Variants in CIITA observed in about 807,000 individuals in gnomAD.
The protein encoded by CIITA is MHC class II transactivator.
CIITA carries 72 observed loss-of-function variants against 115.1 expected under a neutral mutation model. The ratio of observed to expected loss-of-function variants is 0.63; its 90% CI spans 0.52 to 0.76. CIITA has a LOEUF of 0.76. Ranked by LOEUF, CIITA falls within the 30% of genes least tolerant of loss-of-function variation. CIITA has a pLI of 0.00. For missense variants in CIITA, 1,617 were observed against 1,463.8 expected (o/e 1.10, Z -1.71); for synonymous variants, 763 against 635.6 (o/e 1.20, Z -3.02).
intron 14 of CIITA, 93 bp downstream of exon 14, chr16:10,915,743 A>G (rs891980744): frequency 9.0e-7 from 1 of 1,115,870 alleles, no homozygotes; most frequent in Admixed American, 1.8e-5. Flanking sequence ...GGCCTCAAGT[A>G]GTCCTCCTGC....
downstream of CIITA, chr16:10,938,061 C>T (rs529778352): frequency 5.9e-5 from 9 of 152,362 alleles, no homozygotes; most frequent in African/African-American, 1.4e-4. This position sits in a 1 kb window ranked among gnomAD's most constrained non-coding sequence, Gnocchi z 4.9. Context: ...GGGTATAACA[C>T]GCTTTCCATT....
chr16:10,895,147 T>C (rs1222909416), intron 1 of CIITA, 135 bp from the exon 2 acceptor site: 4 of 973,010 alleles, frequency 4.1e-6, no homozygotes, highest in Non-Finnish European at 6.4e-6. Context: ...GCTGAGCATA[T>C]AAGAGGTGCT....
intron 16 of CIITA, among the ~76,000 whole-genome samples, chr16:10,919,494 C>G (rs958849431): frequency 8.3e-5 from 11 of 132,692 alleles, no homozygotes; most frequent in African/African-American, 2.8e-4. Context: ...AGCCACCATG[C>G]CCGGCCAACT....
intron 13 of CIITA, among the ~76,000 whole-genome samples, chr16:10,914,182 G>A (rs917923328): frequency 4.6e-5 from 7 of 152,102 alleles, no homozygotes; most frequent in Admixed American, 2.0e-4. Context: ...GTAGGCAAGC[G>A]GTCAATATTT....
chr16:10,941,690 A>C lies in CIITA; in HGVS notation n.816A>C. The C allele has an allele frequency of 6.3e-7, 1 of 1,583,240 alleles. No individual in the cohort carries two copies. Among genetic ancestry groups the C allele is most frequent in the Non-Finnish European group, 8.6e-7 (1 of 1,163,498 alleles). ...CCAGGGCATGGGTTGCGGATCGTGT[A>C]GGGAAGAGGGGAACAGCAGTCGAGA... On this transcript the variant is annotated non_coding_transcript_exon_variant, in exon 2 of 2. Transcript: ENST00000573379. The surrounding 1 kb of genome is among the most constrained non-coding windows in gnomAD (Gnocchi z 6.4).
At chr16:10,940,474 A>G (rs2041087274), downstream of CIITA, 1 of 152,192 alleles carries the variant, frequency 6.6e-6, no homozygotes, top group Non-Finnish European at 1.5e-5. The surrounding 1 kb of genome is among the most constrained non-coding windows in gnomAD (Gnocchi z 4.2). Context: ...CATTTTCCTA[A>G]AGGAGCCCTT....
intron 10 of CIITA, 146 bp downstream of exon 10, chr16:10,904,958 C>T (rs2039038516): frequency 8.3e-6 from 7 of 846,382 alleles, no homozygotes; most frequent in Non-Finnish European, 1.4e-5. Context: ...CATTCATTCA[C>T]TTATTTGATT....
intron 6 of CIITA, 22 bp from the exon 7 acceptor site, chr16:10,902,016 A>G: frequency 6.2e-7 from 1 of 1,613,674 alleles, no homozygotes; most frequent in South Asian, 1.1e-5. Context: ...CCCAGTCTCT[A>G]ACACAGCCCA....
In CIITA at chr16:10,922,147, C is replaced by A. The variant is rs1567449145; in HGVS notation, c.3150-20C>A. 6.2e-7 allele frequency: 1 copy of A among 1,612,198 alleles called. No individual in the cohort carries two copies. The highest frequency in any genetic ancestry group is 1.1e-5 in the South Asian group (1 of 91,050). ...ATGCACAGGCCTCCAATCCCTCCCC[C>A]TGGCCTCTGTTTCCGACAGCTTGTA... On this transcript the variant is annotated intron_variant, in intron 16 of 19. Transcript: ENST00000324288.
Position 10,906,822 on chromosome 16 carries a change from C to A in CIITA, c.1330C>A (p.Gln444Lys). ...SRAWACGRLP[Q>K]YDFVFSVPCH... Reference sequence around the variant, plus strand: ...GGCCTGGGCTTGTGGCCGGCTTCCCCAGTACGACTTTGTCTTCTCTGTCCC... The same window carrying A: ...GGCCTGGGCTTGTGGCCGGCTTCCCAAGTACGACTTTGTCTTCTCTGTCCC... Residue 444 changes from glutamine to lysine, a missense_variant, in exon 11 of 20, where the codon CAG becomes AAG. Transcript: ENST00000324288. 1 of 1,612,994 alleles carries A rather than the reference C, an allele frequency of 6.2e-7. No homozygotes were observed. The highest frequency in any genetic ancestry group is 8.5e-7 in the Non-Finnish European group (1 of 1,180,032).
chr16:10,901,972 G>A lies in CIITA; in HGVS notation c.482-66G>A. 2 of 1,599,620 alleles carry A rather than the reference G, an allele frequency of 1.3e-6. No homozygotes were observed. Among genetic ancestry groups the A allele is most frequent in the Non-Finnish European group, 1.7e-6 (2 of 1,170,816 alleles). On this transcript the variant is annotated intron_variant, in intron 6 of 19. Coordinates refer to ENST00000324288, the MANE Select transcript of CIITA (RefSeq NM_000246.4). This position sits in a 1 kb window ranked among gnomAD's most constrained non-coding sequence, Gnocchi z 6.8. ...AGGAGAGACATCCATGCCACTCCAG[G>A]GCCCTCCCCATCCCAGGAAGGCCCC...
At position 10,930,984 on chromosome 16, in the gene CIITA, T is replaced by G. The variant is rs939175853; in HGVS notation, c.*7129T>G. 6.6e-6 allele frequency: 1 copy of G among 152,312 alleles called. No homozygotes were observed. Among genetic ancestry groups the G allele is most frequent in the African/African-American group, 2.4e-5 (1 of 41,464 alleles). 9.4% of individuals were successfully genotyped at this position (152,312 alleles called of 1,614,324 possible). A position where few individuals can be genotyped will look rare whatever the true frequency, so the allele number is the denominator to read the frequency against. Reference sequence around the variant, plus strand: ...TCACTGCAGAGATCTCCAAGGCCTGTGGTCATCCTTGAGCCCATCTCAGAT... The same window carrying G: ...TCACTGCAGAGATCTCCAAGGCCTGGGGTCATCCTTGAGCCCATCTCAGAT... On this transcript the variant is annotated 3_prime_UTR_variant, in exon 20 of 20. Transcript: ENST00000324288.
chr16:10,898,657 C>T lies in CIITA; in HGVS notation c.296-13C>T. The T allele has an allele frequency of 1.1e-5, 17 of 1,605,372 alleles. No individual in the cohort carries two copies. The highest frequency in any genetic ancestry group is 1.4e-5 in the Non-Finnish European group (17 of 1,176,214). ...ACCTTGTTGATTGACTGCGCTTTTC[C>T]TTGTCTGGGCAGCGGAACTGGACCA... On this transcript the variant is annotated splice_polypyrimidine_tract_variant and intron_variant, in intron 3 of 19. Transcript: ENST00000324288.
At chr16:10,893,832 A>AAAAAAAAAAAAC in intron 1 of CIITA, among the ~76,000 whole-genome samples, 1 of 129,370 alleles carries the variant, frequency 7.7e-6, no homozygotes, top group Non-Finnish European at 1.8e-5. Context: ...AAAAAAAAAA[A>AAAAAAAAAAAAC]AAGTAGAGTT....
intron 1 of CIITA, chr16:10,878,979 C>T (rs972548474): frequency 2.2e-5 from 5 of 222,294 alleles, no homozygotes; most frequent in African/African-American, 4.5e-5. Flanking sequence ...AGACTTGCCG[C>T]GGCCCCAGAG....
rs1453508996 is a variant in CIITA, at chr16:10,908,155, G to A, written c.2657+6G>A. On this transcript the variant is annotated splice_donor_region_variant and intron_variant, in intron 11 of 19. Transcript: ENST00000324288. ...AGCTGTGTCACCCGTTTCAGGTGGG[G>A]TGAGGGGCTTGGGGAAGAGACATCC... 1 of 1,557,496 alleles carries A rather than the reference G, an allele frequency of 6.4e-7. No homozygotes were observed.
At chr16:10,922,116 C>A (rs754078801) in intron 16 of CIITA, 51 bp from the exon 17 acceptor site, 1 of 1,528,590 alleles carries the variant, frequency 6.5e-7, no homozygotes, top group South Asian at 1.1e-5. Context: ...TTCTGGAAGG[C>A]TGACCATGCA....
In CIITA at chr16:10,923,307, C is replaced by G. The variant is rs577293298; in HGVS notation, c.*4C>G. On this transcript the variant is annotated 3_prime_UTR_variant, in exon 19 of 20. Transcript: ENST00000324288. The surrounding 1 kb of genome is among the most constrained non-coding windows in gnomAD (Gnocchi z 5.2). ...TTCACGGATCAGCCTGAGATGATCC[C>G]AGCTGTGCTCTGGACAGGGTAACCA... 1 of 1,610,132 alleles carries G rather than the reference C, an allele frequency of 6.2e-7. No individual in the cohort carries two copies. The highest frequency in any genetic ancestry group is 2.2e-5 in the East Asian group (1 of 44,838).
chr16:10,928,862 AG>A lies in CIITA; in HGVS notation c.*5008del, dbSNP rs1251475648. The A allele has an allele frequency of 6.6e-6, 1 of 152,552 alleles. No homozygotes were observed. Among genetic ancestry groups the A allele is most frequent in the Non-Finnish European group, 1.5e-5 (1 of 68,028 alleles). 9.4% of individuals were successfully genotyped at this position (152,552 alleles called of 1,614,324 possible). On this transcript the variant is annotated 3_prime_UTR_variant, in exon 20 of 20. Transcript: ENST00000324288. The stretch of plus-strand genomic sequence containing the variant: ...CTAGAACTCCTTTCCCGAATCTCAA[AG>A]TTAAAAAAAAAGGCAGGGCCCCAGG...
Sources: allele counts gnomAD v4.1 joint callset (sites outside exome capture counted in the v4.1 genomes callset), GRCh38; gene constraint gnomAD v4.1.1; non-coding constraint Gnocchi (gnomAD v3.1); transcripts MANE v1.5; gene names NCBI Gene and HGNC (gene_info 2026-07-23, HGNC 2026-07-21).